Variants in CTNNA2 observed in about 807,000 individuals in gnomAD.
CTNNA2 encodes catenin alpha 2.
CTNNA2 carries 42 observed loss-of-function variants against 101.0 expected under a neutral mutation model. The observed-to-expected ratio is 0.42, with a 90% CI of 0.32 to 0.54. The LOEUF is 0.54. CTNNA2 is among the 20% of genes least tolerant of loss of function. The pLI, the probability that CTNNA2 is intolerant of heterozygous loss-of-function variation, is 0.14. For missense variants in CTNNA2, 871 were observed against 1,223.1 expected, an observed-to-expected ratio of 0.71 and a Z score of 4.29; for synonymous variants, 450 against 456.4, an observed-to-expected ratio of 0.99 and a Z score of 0.18.
chr2:80,035,572 A>C (rs1695596395), intron 7 of CTNNA2, among the ~76,000 whole-genome samples: 1 of 152,164 alleles, frequency 6.6e-6, no homozygotes, highest in Admixed American at 6.5e-5. Context: ...AAAAATATAT[A>C]TCTCATGAAG....
At position 79,755,962 on chromosome 2, in the gene CTNNA2, T is replaced by G. The variant is rs572481418; in HGVS notation, c.298+11380T>G. The stretch of plus-strand genomic sequence containing the variant: ...TGAAAATGTCATATACCCTTAGGAT[T>G]CATCTTAATGCAAATTTTAACATTT... On this transcript the variant is annotated intron_variant, in intron 3 of 18. Transcript: ENST00000402739. 9.2e-5 allele frequency among the ~76,000 whole-genome samples: 14 copies of G among 152,308 alleles called. No homozygotes were observed. In the South Asian group the frequency reaches 2.9e-3, roughly 32 times the overall value.
intron 9 of CTNNA2, among the ~76,000 whole-genome samples, chr2:80,542,868 C>A (rs893421659): frequency 1.9e-5 from 2 of 107,402 alleles, no homozygotes; most frequent in South Asian, 6.5e-4. Context: ...TCTCCACTAT[C>A]CTGATTTTTT....
Position 80,623,792 on chromosome 2 carries a change from T to G in CTNNA2, c.2574+4564T>G, listed in dbSNP as rs6714892. ...AGGTGATTCATTTTCACACCAAAGT[T>G]TTAGAATCCCTGCAAGGCAACAGAA... On this transcript the variant is annotated intron_variant, in intron 18 of 18. Transcript: ENST00000402739. Among the ~76,000 whole-genome samples, 693 of 152,006 alleles carry G rather than the reference T, an allele frequency of 4.6e-3. 3 individuals carry two copies. The highest frequency in any genetic ancestry group is 0.015 in the African/African-American group (642 of 41,492).
intron 2 of CTNNA2, among the ~76,000 whole-genome samples, chr2:79,228,542 G>A (rs1365505090): frequency 6.6e-6 from 1 of 152,140 alleles, no homozygotes; most frequent in African/African-American, 2.4e-5. Flanking sequence ...TTGGCCACTT[G>A]TGTATCTTCT....
At chr2:79,552,366 G>A (rs1674162070) in intron 1 of CTNNA2, among the ~76,000 whole-genome samples, 2 of 151,956 alleles carry the variant, frequency 1.3e-5, no homozygotes, top group African/African-American at 4.8e-5. Flanking sequence ...GAGCCCCCTT[G>A]GCTGCTTCCA....
intron 7 of CTNNA2, among the ~76,000 whole-genome samples, chr2:79,995,566 T>C (rs1350971146): frequency 6.6e-6 from 1 of 152,124 alleles, no homozygotes; most frequent in African/African-American, 2.4e-5. Flanking sequence ...ATCCCAGCAT[T>C]TTAGGAGGCC....
intron 3 of CTNNA2, among the ~76,000 whole-genome samples, chr2:79,770,398 T>C (rs1264735817): frequency 6.6e-6 from 1 of 152,196 alleles, no homozygotes; most frequent in African/African-American, 2.4e-5. Context: ...AAGTGCATCA[T>C]TTTTTAGACA....
At chr2:79,828,837 G>A (rs887812237) in intron 3 of CTNNA2, among the ~76,000 whole-genome samples, 1 of 152,168 alleles carries the variant, frequency 6.6e-6, no homozygotes, top group African/African-American at 2.4e-5. Context: ...CAGAAAATCT[G>A]TGTTTTCACA....
intron 1 of CTNNA2, among the ~76,000 whole-genome samples, chr2:79,630,560 T>C (rs542080040): frequency 2.6e-5 from 4 of 152,218 alleles, no homozygotes; most frequent in Non-Finnish European, 5.9e-5. Flanking sequence ...GTATACATAA[T>C]GTAAGACACA....
intron 7 of CTNNA2, among the ~76,000 whole-genome samples, chr2:80,106,688 A>G (rs559692747): frequency 6.6e-6 from 1 of 152,184 alleles, no homozygotes; most frequent in Admixed American, 6.5e-5. Context: ...ATGTTCTCCG[A>G]TTAACAATTC....
chr2:80,098,295 T>G (rs1163540764), intron 7 of CTNNA2, among the ~76,000 whole-genome samples: 1 of 152,238 alleles, frequency 6.6e-6, no homozygotes, highest in Non-Finnish European at 1.5e-5. Flanking sequence ...TGCCTGGGTA[T>G]CAGCAGCGGT....
At chr2:80,398,045 A>C (rs187902759) in intron 8 of CTNNA2, among the ~76,000 whole-genome samples, 32 of 152,302 alleles carry the variant, frequency 2.1e-4, no homozygotes, top group African/African-American at 6.5e-4. Context: ...AACTATAGTA[A>C]ATGTCAAAAA....
At chr2:80,289,783 C>T (rs923346581) in intron 7 of CTNNA2, among the ~76,000 whole-genome samples, 4 of 152,186 alleles carry the variant, frequency 2.6e-5, no homozygotes, top group Non-Finnish European at 5.9e-5. Context: ...CTGTGTTATA[C>T]GGTAGGGAAA....
At chr2:79,881,305 T>G (rs1255993437) in intron 6 of CTNNA2, among the ~76,000 whole-genome samples, 1 of 152,170 alleles carries the variant, frequency 6.6e-6, no homozygotes, top group Non-Finnish European at 1.5e-5. Flanking sequence ...GGGTGCAGAG[T>G]TCTGTAGATG....
chr2:79,446,809 T>C (rs1170091224), intron 4 of CTNNA2, among the ~76,000 whole-genome samples: 1 of 151,994 alleles, frequency 6.6e-6, no homozygotes, highest in Non-Finnish European at 1.5e-5. Context: ...CAATTAATGC[T>C]GATGTTTATG....
At chr2:80,172,960 A>G (rs575932381) in intron 7 of CTNNA2, among the ~76,000 whole-genome samples, 7 of 152,310 alleles carry the variant, frequency 4.6e-5, no homozygotes, top group African/African-American at 1.7e-4. Flanking sequence ...ATCTTCAAAT[A>G]AGGTCACATT....
chr2:80,253,732 A>G (rs1179512668), intron 7 of CTNNA2, among the ~76,000 whole-genome samples: 2 of 152,190 alleles, frequency 1.3e-5, no homozygotes, highest in Admixed American at 1.3e-4. Flanking sequence ...TTCTGGAAGC[A>G]TCATTGTAGA....
intron 7 of CTNNA2, among the ~76,000 whole-genome samples, chr2:79,924,116 T>C (rs981713289): frequency 1.3e-5 from 2 of 152,114 alleles, no homozygotes; most frequent in Non-Finnish European, 2.9e-5. Flanking sequence ...ATACATACAA[T>C]GGAATACTAT....
chr2:80,348,008 C>G (rs1041479112), intron 7 of CTNNA2, among the ~76,000 whole-genome samples: 2 of 151,932 alleles, frequency 1.3e-5, no homozygotes, highest in Admixed American at 1.3e-4. Flanking sequence ...TGATGGGTTT[C>G]CAAAGCTCCC....
Sources: gnomAD v4.1 joint callset for allele counts (sites outside exome capture counted in the v4.1 genomes callset) on GRCh38, gnomAD v4.1.1 for gene constraint, MANE v1.5 for transcripts, NCBI Gene and HGNC (gene_info 2026-07-23, HGNC 2026-07-21) for gene names.